Variants in PCDHA5 observed in about 807,000 individuals in gnomAD.
PCDHA5 encodes the protein protocadherin alpha 5.
In PCDHA5, 43 loss-of-function variants were observed where a neutral mutation model predicts 61.6. That is an observed-to-expected ratio of 0.70 (90% CI 0.55 to 0.90). The LOEUF (loss-of-function observed/expected upper bound fraction) is 0.90, where lower values mean the gene tolerates loss of function less well. Ranked by LOEUF, PCDHA5 falls within the 40% of genes least tolerant of loss-of-function variation. PCDHA5 has a pLI of 0.00. For synonymous variants in PCDHA5, 627 were observed against 543.9 expected, an observed-to-expected ratio of 1.15 and a Z score of -2.13; for missense variants, 1,298 against 1,222.7, an observed-to-expected ratio of 1.06 and a Z score of -0.92.
chr5:140,835,503 G>C (rs1554135018), intron 1 of PCDHA5: 1 of 1,613,792 alleles, frequency 6.2e-7, no homozygotes, highest in East Asian at 2.2e-5. Flanking sequence ...ATTGATTAGC[G>C]TGTTTGACCG....
chr5:140,884,395 C>A, intron 1 of PCDHA5: 1 of 1,614,000 alleles, frequency 6.2e-7, no homozygotes, highest in Non-Finnish European at 8.5e-7. Flanking sequence ...CGGTGTCCAG[C>A]CTGTTGGTGC....
At chr5:140,981,169 C>T (rs2096920797) in intron 2 of PCDHA5, among the ~76,000 whole-genome samples, 1 of 152,170 alleles carries the variant, frequency 6.6e-6, no homozygotes, top group Admixed American at 6.5e-5. Context: ...GTTGCCTTCC[C>T]TCTAATAGTT....
chr5:140,992,258 A>G (rs1316409303), intron 3 of PCDHA5, among the ~76,000 whole-genome samples: 1 of 152,168 alleles, frequency 6.6e-6, no homozygotes, highest in African/African-American at 2.4e-5. Flanking sequence ...GCTAAAGATG[A>G]AAGTTCTTTT....
At chr5:140,917,653 G>A (rs1400141765) in intron 1 of PCDHA5, among the ~76,000 whole-genome samples, 1 of 152,160 alleles carries the variant, frequency 6.6e-6, no homozygotes, top group Non-Finnish European at 1.5e-5. Flanking sequence ...GCAATATTGA[G>A]TAGGAAGTCC....
At chr5:140,884,504 G>C in intron 1 of PCDHA5, 2 of 1,614,180 alleles carry the variant, frequency 1.2e-6, no homozygotes, top group South Asian at 2.2e-5. Flanking sequence ...CAGCGCGGCA[G>C]GGAGTTGGTC....
intron 1 of PCDHA5, among the ~76,000 whole-genome samples, chr5:140,965,818 A>G (rs1554227859): frequency 2.6e-5 from 4 of 152,344 alleles, no homozygotes; most frequent in African/African-American, 9.6e-5. Flanking sequence ...AGAGCATTTT[A>G]AACATTTAAA....
chr5:140,830,266 G>T (rs2150183759), intron 1 of PCDHA5: 8 of 1,613,648 alleles, frequency 5.0e-6, no homozygotes, highest in Non-Finnish European at 6.8e-6. Context: ...GGTGCTCGGC[G>T]CCACCCACCG....
chr5:140,849,560 C>T, intron 1 of PCDHA5: 1 of 1,598,572 alleles, frequency 6.3e-7, no homozygotes, highest in Non-Finnish European at 8.6e-7. Context: ...TCAAAACGCT[C>T]TCGGTTCCTG....
In PCDHA5 at chr5:140,917,987, A is replaced by G. The variant is rs140618239; in HGVS notation, c.2353-60962A>G. 3.9e-3 allele frequency among the ~76,000 whole-genome samples: 598 copies of G among 152,198 alleles called. 2 individuals are homozygous for G. The highest frequency in any genetic ancestry group is 5.9e-3 in the Admixed American group (90 of 15,276). ...GAATCTGTGAATTGCTTTGGACAGT[A>G]TGGTTATCTTAACAATGTTGTTTCT... On this transcript the variant is annotated intron_variant, in intron 1 of 3. Coordinates refer to ENST00000529859, the MANE Select transcript of PCDHA5 (RefSeq NM_018908.3).
chr5:140,829,934 G>T (rs1176512976), intron 1 of PCDHA5: 3 of 1,613,878 alleles, frequency 1.9e-6, no homozygotes, highest in Non-Finnish European at 1.7e-6. Flanking sequence ...GCAGCCCCCG[G>T]CAAGCAGCGC....
chr5:140,844,618 A>C (rs1230516172), intron 1 of PCDHA5, among the ~76,000 whole-genome samples: 1 of 149,532 alleles, frequency 6.7e-6, no homozygotes, highest in Non-Finnish European at 1.5e-5. Context: ...AAATGTTTTC[A>C]TCAGAAAAAC....
chr5:140,856,717 A>G (rs947466965), intron 1 of PCDHA5: 1 of 1,596,480 alleles, frequency 6.3e-7, no homozygotes, highest in Non-Finnish European at 8.6e-7. Context: ...AATTTACCGG[A>G]TCTGTTTCTC....
chr5:140,882,777 A>G (rs2059309071), intron 1 of PCDHA5: 1 of 1,614,096 alleles, frequency 6.2e-7, no homozygotes, highest in Non-Finnish European at 8.5e-7. Context: ...GCATTGACCT[A>G]CCGACTGGAT....
chr5:140,838,280 A>AT (rs2150286950), intron 1 of PCDHA5, among the ~76,000 whole-genome samples: 90,280 of 139,474 alleles, frequency 0.65, 30,290 homozygotes, highest in Non-Finnish European at 0.74. Context: ...AGCCATGCTA[A>AT]TTTTTTTTTT....
In PCDHA5 at chr5:140,843,275, A is replaced by T. The variant is rs1225687958; in HGVS notation, c.2352+19148A>T. 5 of 1,595,844 alleles carry T rather than the reference A, an allele frequency of 3.1e-6. No individual in the cohort carries two copies. In the Admixed American group the frequency reaches 5.1e-5, roughly 16 times the overall value. On this transcript the variant is annotated intron_variant, in intron 1 of 3. Coordinates refer to ENST00000529859, the MANE Select transcript of PCDHA5 (RefSeq NM_018908.3). ...GCGCCACCGTCTGCTGGTCCTGGTGAAGGATCATGGTGAACCTGCGCTGAC... is the reference window on the plus strand; with the variant it reads ...GCGCCACCGTCTGCTGGTCCTGGTGTAGGATCATGGTGAACCTGCGCTGAC...
In PCDHA5 at chr5:140,836,730, A is replaced by G. The variant is rs2150268726; in HGVS notation, c.2352+12603A>G. 6.2e-6 allele frequency: 10 copies of G among 1,610,112 alleles called. No individual in the cohort carries two copies. In the African/African-American group the frequency reaches 1.1e-4, roughly 17 times the overall value. On this transcript the variant is annotated intron_variant, in intron 1 of 3. Transcript: ENST00000529859. The stretch of plus-strand genomic sequence containing the variant: ...CAGCCTTCCTCAGGGTCCATCCTCT[A>G]CAGACAATGTGAGTCATAAATAATC...
chr5:140,826,252 A>G (rs1768870468), intron 1 of PCDHA5, among the ~76,000 whole-genome samples: 1 of 152,224 alleles, frequency 6.6e-6, no homozygotes, highest in African/African-American at 2.4e-5. Context: ...ATCTCTTTAT[A>G]TATCAAGTCT....
chr5:140,927,460 G>A, intron 1 of PCDHA5: 2 of 1,614,148 alleles, frequency 1.2e-6, no homozygotes, highest in South Asian at 1.1e-5. Context: ...GTTGGAGAAA[G>A]CACTGGATCG....
intron 1 of PCDHA5, chr5:140,869,778 C>T (rs782226363): frequency 4.0e-5 from 65 of 1,612,804 alleles, no homozygotes; most frequent in Admixed American, 5.0e-5. Flanking sequence ...TTACTGGCAC[C>T]GTTCGGCTGT....
Sources: gnomAD v4.1 joint callset for allele counts (sites outside exome capture counted in the v4.1 genomes callset) on GRCh38, gnomAD v4.1.1 for gene constraint, MANE v1.5 for transcripts, NCBI Gene and HGNC (gene_info 2026-07-23, HGNC 2026-07-21) for gene names.